Variants in COL25A1 observed in about 807,000 individuals in gnomAD.
The protein encoded by COL25A1 is collagen type XXV alpha 1 chain.
COL25A1 carries 103 observed loss-of-function variants against 128.4 expected under a neutral mutation model. The observed-to-expected ratio is 0.80, with a 90% CI of 0.68 to 0.94. The LOEUF is 0.94. Among genes scored for constraint, COL25A1 ranks in the 40% least tolerant of loss-of-function variants. The pLI is 0.00. For synonymous variants in COL25A1, 279 were observed against 277.2 expected (o/e 1.01, Z -0.06); for missense variants, 745 against 840.0 (o/e 0.89, Z 1.40).
At chr4:109,236,046 C>CTTTGTTG (rs1047799013) in intron 3 of COL25A1, among the ~76,000 whole-genome samples, 1 of 151,788 alleles carries the variant, frequency 6.6e-6, no homozygotes, top group East Asian at 1.9e-4. Flanking sequence ...ATTGCTTATA[C>CTTTGTTG]TTTGTTGTTA....
At chr4:109,149,737 G>T (rs1771291247) in intron 3 of COL25A1, among the ~76,000 whole-genome samples, 1 of 151,984 alleles carries the variant, frequency 6.6e-6, no homozygotes, top group Non-Finnish European at 1.5e-5. Flanking sequence ...TAAACAATTG[G>T]AATGTTTTAA....
intron 19 of COL25A1, among the ~76,000 whole-genome samples, chr4:108,875,756 T>C (rs1739372284): frequency 6.6e-6 from 1 of 152,218 alleles, no homozygotes; most frequent in Admixed American, 6.5e-5. Flanking sequence ...TAAAGGCACA[T>C]GCACACATAT....
intron 3 of COL25A1, among the ~76,000 whole-genome samples, chr4:109,054,371 T>G (rs899748459): frequency 1.3e-5 from 2 of 152,168 alleles, no homozygotes; most frequent in Non-Finnish European, 2.9e-5. Flanking sequence ...TAATACTCAC[T>G]CCGCCCCATT....
intron 3 of COL25A1, among the ~76,000 whole-genome samples, chr4:109,145,318 C>T (rs1219268157): frequency 2.6e-5 from 4 of 152,056 alleles, no homozygotes; most frequent in Admixed American, 6.6e-5. Flanking sequence ...CTGCCCGCCT[C>T]GGTCTCCCAA....
chr4:109,233,196 T>C (rs1779263809), intron 3 of COL25A1, among the ~76,000 whole-genome samples: 1 of 152,168 alleles, frequency 6.6e-6, no homozygotes, highest in African/African-American at 2.4e-5. Flanking sequence ...GCATTCCAAT[T>C]CACTTAGCAC....
At chr4:108,884,055 G>A in intron 19 of COL25A1, 123 bp downstream of exon 19, 1 of 868,288 alleles carries the variant, frequency 1.2e-6, no homozygotes, top group Non-Finnish European at 1.8e-6. Context: ...AGTTGAGATG[G>A]CTGGAGAGTA....
chr4:108,827,392 C>A (rs1732524103), intron 32 of COL25A1, among the ~76,000 whole-genome samples: 1 of 152,188 alleles, frequency 6.6e-6, no homozygotes, highest in Non-Finnish European at 1.5e-5. Context: ...GAAAGAGGGG[C>A]AGCACAAGAT....
intron 3 of COL25A1, among the ~76,000 whole-genome samples, chr4:109,188,917 T>G (rs1330120452): frequency 1.3e-5 from 2 of 152,036 alleles, no homozygotes; most frequent in African/African-American, 2.4e-5. Flanking sequence ...AGATTCTGTG[T>G]GTGTCGGTGG....
At chr4:109,299,402 G>A (rs560188892) in intron 3 of COL25A1, among the ~76,000 whole-genome samples, 2 of 152,038 alleles carry the variant, frequency 1.3e-5, no homozygotes, top group African/African-American at 2.4e-5. Flanking sequence ...ATGTCTTCTC[G>A]ATCAAAAGGG....
chr4:108,883,253 T>C (rs1161613030), intron 19 of COL25A1, among the ~76,000 whole-genome samples: 1 of 152,036 alleles, frequency 6.6e-6, no homozygotes, highest in African/African-American at 2.4e-5. Flanking sequence ...GGTTTCGAAC[T>C]CCTGACCCAA....
At chr4:108,929,220 T>A (rs949115998) in intron 11 of COL25A1, among the ~76,000 whole-genome samples, 16 of 151,930 alleles carry the variant, frequency 1.1e-4, no homozygotes, top group Admixed American at 7.9e-4. Flanking sequence ...GCCTCCCAGG[T>A]TCAAGTGATT....
At chr4:109,121,678 T>C (rs1768118613) in intron 3 of COL25A1, among the ~76,000 whole-genome samples, 2 of 152,114 alleles carry the variant, frequency 1.3e-5, no homozygotes, top group African/African-American at 4.8e-5. Context: ...CTTGTGGGAA[T>C]GCCAAATGAT....
intron 3 of COL25A1, among the ~76,000 whole-genome samples, chr4:109,267,173 G>T (rs1194707493): frequency 6.6e-6 from 1 of 152,104 alleles, no homozygotes; most frequent in Admixed American, 6.6e-5. Context: ...AGTCCACTGA[G>T]TTTTCTGTGG....
At chr4:108,817,706 T>C (rs921419381) in intron 36 of COL25A1, among the ~76,000 whole-genome samples, 4 of 152,212 alleles carry the variant, frequency 2.6e-5, no homozygotes, top group Non-Finnish European at 5.9e-5. Context: ...TTACAAAGCA[T>C]AGTGCTCTAT....
chr4:108,886,943 C>A (rs1027493926), intron 18 of COL25A1, among the ~76,000 whole-genome samples: 2 of 151,960 alleles, frequency 1.3e-5, no homozygotes, highest in South Asian at 4.2e-4. Flanking sequence ...GATAGGAGAT[C>A]AATTTTACTC....
Position 109,284,594 on chromosome 4 carries a change from C to T in COL25A1, c.367+15989G>A, listed in dbSNP as rs554200273. 3.9e-5 allele frequency among the ~76,000 whole-genome samples: 6 copies of T among 152,232 alleles called. No individual in the cohort carries two copies. The East Asian group carries it at 1.2e-3, about 29-fold the overall frequency. ...TAAAAGAGAAAAACTACCAGAAAGC[C>T]ATGGGGCTCTGTGCTGAACTTTCTC... On this transcript the variant is annotated intron_variant, in intron 3 of 37. Coordinates refer to ENST00000399132, the MANE Select transcript of COL25A1 (RefSeq NM_198721.4).
chr4:108,889,218 T>C lies in COL25A1; in HGVS notation c.975+3A>G, dbSNP rs1301461587. 1 of 1,612,814 alleles carries C rather than the reference T, an allele frequency of 6.2e-7. No homozygotes were observed. The highest frequency in any genetic ancestry group is 8.5e-7 in the Non-Finnish European group (1 of 1,178,984). On this transcript the variant is annotated splice_donor_region_variant and intron_variant, in intron 18 of 37. Coordinates refer to ENST00000399132, the MANE Select transcript of COL25A1 (RefSeq NM_198721.4). Reference sequence around the variant, plus strand: ...AGGAACACACTAGAGATAGAGATATTACCTTTTGCCCTGGACGACCAGATT... The same window carrying C: ...AGGAACACACTAGAGATAGAGATATCACCTTTTGCCCTGGACGACCAGATT...
At chr4:109,196,177 C>T (rs779914613) in intron 3 of COL25A1, among the ~76,000 whole-genome samples, 6 of 152,072 alleles carry the variant, frequency 3.9e-5, no homozygotes, top group East Asian at 1.9e-4. Flanking sequence ...TACGGGGAGA[C>T]GAGACCTCAG....
At chr4:109,028,704 G>A (rs750408722) in intron 5 of COL25A1, among the ~76,000 whole-genome samples, 15 of 151,864 alleles carry the variant, frequency 9.9e-5, no homozygotes, top group South Asian at 4.2e-4. Context: ...CCAGCCTGGC[G>A]ACAGAGCGGG....
Sources: gnomAD v4.1 joint callset for allele counts (sites outside exome capture counted in the v4.1 genomes callset) on GRCh38, gnomAD v4.1.1 for gene constraint, MANE v1.5 for transcripts, NCBI Gene and HGNC (gene_info 2026-07-23, HGNC 2026-07-21) for gene names.